The following UNC5B variants were observed in gnomAD, a reference collection of about 807,000 sequenced individuals.
UNC5B encodes the protein unc-5 netrin receptor B, also known as netrin receptor UNC5B.
In UNC5B, 56 loss-of-function variants were observed where a neutral mutation model predicts 103.7. The ratio of observed to expected loss-of-function variants is 0.54; its 90% CI spans 0.44 to 0.67. UNC5B has a LOEUF of 0.67. UNC5B is among the 30% of genes least tolerant of loss of function. The pLI is 0.00. For synonymous variants in UNC5B, 577 were observed against 542.0 expected, an observed-to-expected ratio of 1.06 and a Z score of -0.90; for missense variants, 1,194 against 1,284.5, an observed-to-expected ratio of 0.93 and a Z score of 1.08.
chr10:71,268,677 G>A (rs114130664), intron 1 of UNC5B, among the ~76,000 whole-genome samples: 70 of 152,344 alleles, frequency 4.6e-4, no homozygotes, highest in African/African-American at 1.6e-3. Context: ...AGAGCGTGGC[G>A]CTGAGGGAGA....
At chr10:71,295,728 G>GC in intron 13 of UNC5B, 83 bp from the exon 14 acceptor site, 1 of 1,522,602 alleles carries the variant, frequency 6.6e-7, no homozygotes, top group South Asian at 1.2e-5. Context: ...ATGGGCCCCT[G>GC]CCCCCTGCCC....
intron 1 of UNC5B, among the ~76,000 whole-genome samples, chr10:71,228,807 C>T (rs1291532828): frequency 6.6e-6 from 1 of 152,192 alleles, no homozygotes; most frequent in Non-Finnish European, 1.5e-5. Flanking sequence ...TCAGTCCTTG[C>T]GATGGCTCTG....
At chr10:71,218,204 AGGAT>A in intron 1 of UNC5B, 1 of 152,444 alleles carries the variant, frequency 6.6e-6, no homozygotes, top group Non-Finnish European at 1.5e-5. Context: ...TGTGTGCCGG[AGGAT>A]GGATGTGTGT....
chr10:71,287,472 G>A, intron 5 of UNC5B, 126 bp from the exon 6 acceptor site: 1 of 1,215,906 alleles, frequency 8.2e-7, no homozygotes. Flanking sequence ...TACACTGTAG[G>A]CAAAAGGGGT....
At chr10:71,216,875 T>C (rs1398119916) in intron 1 of UNC5B, among the ~76,000 whole-genome samples, 1 of 152,222 alleles carries the variant, frequency 6.6e-6, no homozygotes, top group Non-Finnish European at 1.5e-5. Context: ...TGATTCTGAA[T>C]AGACAGTGCT....
At chr10:71,234,330 G>T (rs1285965762) in intron 1 of UNC5B, among the ~76,000 whole-genome samples, 1 of 152,170 alleles carries the variant, frequency 6.6e-6, no homozygotes, top group Admixed American at 6.5e-5. Flanking sequence ...TGAGATTCAG[G>T]CCTGGCCCAG....
Position 71,286,647 on chromosome 10 carries a change from C to A in UNC5B, c.553-42C>A, listed in dbSNP as rs774897864. The A allele has an allele frequency of 1.9e-6, 3 of 1,608,984 alleles. No homozygotes were observed. The African/African-American group carries it at 4.0e-5, about 21-fold the overall frequency. On this transcript the variant is annotated intron_variant, in intron 4 of 16. Coordinates refer to ENST00000335350, the MANE Select transcript of UNC5B (RefSeq NM_170744.5). Reference sequence around the variant, plus strand: ...GCCCTTCTTCTGTTTATGATCAAACCTGTCCTGGGCCCTCACTGCCCCCTC... The same window carrying A: ...GCCCTTCTTCTGTTTATGATCAAACATGTCCTGGGCCCTCACTGCCCCCTC...
chr10:71,243,307 A>G (rs1308144392), intron 1 of UNC5B, among the ~76,000 whole-genome samples: 2 of 152,076 alleles, frequency 1.3e-5, no homozygotes, highest in African/African-American at 2.4e-5. Flanking sequence ...GCTTCAGATC[A>G]GTTTCCCCAT....
intron 1 of UNC5B, among the ~76,000 whole-genome samples, chr10:71,243,865 A>G (rs1843963489): frequency 6.6e-6 from 1 of 152,268 alleles, no homozygotes; most frequent in Admixed American, 6.5e-5. Flanking sequence ...CACTGCGTGA[A>G]GGACCTTATG....
At chr10:71,261,378 GC>G in intron 1 of UNC5B, among the ~76,000 whole-genome samples, 1 of 152,166 alleles carries the variant, frequency 6.6e-6, no homozygotes, top group East Asian at 1.9e-4. Flanking sequence ...AGGTGGCCGT[GC>G]ATTTGCCCCT....
Position 71,299,772 on chromosome 10 carries a change from C to CA in UNC5B, c.*500dup, listed in dbSNP as rs1845543777. On this transcript the variant is annotated 3_prime_UTR_variant, in exon 17 of 17. Coordinates refer to ENST00000335350, the MANE Select transcript of UNC5B (RefSeq NM_170744.5). ...CAAACTGCTTTCTCCTGTCCAAAAG[C>CA]AAAAAGGCAAAGGAAAGAAAGAAAG... is the stretch of plus-strand genomic sequence containing the variant. The CA allele has an allele frequency of 6.6e-6, 1 of 152,142 alleles. No homozygotes were observed. The highest frequency in any genetic ancestry group is 2.1e-4 in the South Asian group (1 of 4,824). 9.4% of individuals were successfully genotyped at this position (152,142 alleles called of 1,614,324 possible).
At chr10:71,256,200 A>T (rs1345855322) in intron 1 of UNC5B, among the ~76,000 whole-genome samples, 1 of 152,180 alleles carries the variant, frequency 6.6e-6, no homozygotes, top group East Asian at 1.9e-4. Flanking sequence ...TCACAATGTC[A>T]TACCCCAGAG....
intron 1 of UNC5B, among the ~76,000 whole-genome samples, chr10:71,218,602 G>C (rs962371020): frequency 1.3e-5 from 2 of 152,216 alleles, no homozygotes; most frequent in Non-Finnish European, 2.9e-5. Flanking sequence ...GGTGCTCCAG[G>C]GGGAGGAAGG....
intron 1 of UNC5B, among the ~76,000 whole-genome samples, chr10:71,257,503 C>T (rs1363507787): frequency 6.6e-6 from 1 of 152,242 alleles, no homozygotes; most frequent in African/African-American, 2.4e-5. Context: ...AAATGGGCTC[C>T]CCTCCCAGCC....
At chr10:71,261,484 G>A (rs1051229165) in intron 1 of UNC5B, among the ~76,000 whole-genome samples, 3 of 152,172 alleles carry the variant, frequency 2.0e-5, no homozygotes, top group Non-Finnish European at 2.9e-5. Context: ...CCTCCCAAAT[G>A]CTGGCCCTGA....
At chr10:71,248,200 G>A (rs986796638) in intron 1 of UNC5B, among the ~76,000 whole-genome samples, 8 of 152,228 alleles carry the variant, frequency 5.3e-5, no homozygotes, top group Non-Finnish European at 8.8e-5. Flanking sequence ...GCCTCCCTGG[G>A]TCCTGTCTCT....
At chr10:71,225,137 C>T (rs553040735) in intron 1 of UNC5B, among the ~76,000 whole-genome samples, 12 of 152,318 alleles carry the variant, frequency 7.9e-5, no homozygotes, top group East Asian at 5.8e-4. Flanking sequence ...CTGTGTGATA[C>T]GCAAATCTCA....
intron 1 of UNC5B, among the ~76,000 whole-genome samples, chr10:71,259,747 G>T (rs940147466): frequency 6.6e-6 from 1 of 152,228 alleles, no homozygotes; most frequent in Non-Finnish European, 1.5e-5. Context: ...ACTTGCCCAG[G>T]CCCCACAGGG....
intron 1 of UNC5B, among the ~76,000 whole-genome samples, chr10:71,266,000 CCA>C (rs1200942254): frequency 2.6e-5 from 4 of 152,120 alleles, no homozygotes; most frequent in Non-Finnish European, 5.9e-5. Context: ...AGACTAGGGC[CCA>C]GAGTCACCCA....
Sources: allele counts gnomAD v4.1 joint callset (sites outside exome capture counted in the v4.1 genomes callset), GRCh38; gene constraint gnomAD v4.1.1; transcripts MANE v1.5; gene names NCBI Gene and HGNC (gene_info 2026-07-23, HGNC 2026-07-21).